The following KCNK13 variants were observed in gnomAD, a reference collection of about 807,000 sequenced individuals.
KCNK13 encodes potassium channel subfamily K member 13.
KCNK13 carries 12 observed loss-of-function variants against 23.4 expected under a neutral mutation model. The observed-to-expected ratio is 0.51, with a 90% CI of 0.33 to 0.83. KCNK13 has a LOEUF of 0.83. Among genes scored for constraint, KCNK13 ranks in the 40% least tolerant of loss-of-function variants. The probability of loss-of-function intolerance (pLI) is 0.02; values close to 1 mark genes in which losing one functional copy is unlikely to be tolerated. For missense variants in KCNK13, 463 were observed against 556.3 expected (o/e 0.83, Z 1.69); for synonymous variants, 231 against 229.5 (o/e 1.01, Z -0.06).
intron 1 of KCNK13, among the ~76,000 whole-genome samples, chr14:90,169,589 C>T (rs1314791365): frequency 6.6e-6 from 1 of 152,182 alleles, no homozygotes; most frequent in Non-Finnish European, 1.5e-5. Flanking sequence ...ATATGGTAAA[C>T]GTTTATCTCT....
At position 90,062,205 on chromosome 14, in the gene KCNK13, C is replaced by T. The variant is rs200035418; in HGVS notation, c.-1C>T. 4.3e-4 allele frequency: 616 copies of T among 1,423,010 alleles called. 3 individuals are homozygous for T. The African/African-American group carries it at 8.5e-3, about 20-fold the overall frequency. 88.1% of individuals were successfully genotyped at this position (1,423,010 alleles called of 1,614,324 possible). On this transcript the variant is annotated 5_prime_UTR_variant, in exon 1 of 2. Transcript: ENST00000282146. This position sits in a 1 kb window ranked among gnomAD's most constrained non-coding sequence, Gnocchi z 4.5. ...TGGGGGCTGCCCCCGGGGGCCCGGC[C>T]ATGGCTGGCCGGGGTTTCAGCTGGG...
intron 1 of KCNK13, among the ~76,000 whole-genome samples, chr14:90,148,718 A>G (rs1566646128): frequency 6.6e-6 from 1 of 152,246 alleles, no homozygotes; most frequent in South Asian, 2.1e-4. Context: ...TAAGGAACGC[A>G]TATTTTATCG....
chr14:90,070,960 T>A (rs1366845379), intron 1 of KCNK13, among the ~76,000 whole-genome samples: 2 of 152,150 alleles, frequency 1.3e-5, no homozygotes, highest in African/African-American at 2.4e-5. Context: ...TTTGTTCAAT[T>A]ATTTGTTTCC....
chr14:90,153,297 A>T (rs983440626), intron 1 of KCNK13, among the ~76,000 whole-genome samples: 2 of 152,178 alleles, frequency 1.3e-5, no homozygotes, highest in African/African-American at 4.8e-5. Flanking sequence ...AGTGAGAAAG[A>T]CTGTAGTTCT....
chr14:90,178,725 T>C (rs996316053), intron 1 of KCNK13, among the ~76,000 whole-genome samples: 59 of 152,308 alleles, frequency 3.9e-4, no homozygotes, highest in African/African-American at 1.4e-3. Context: ...TATTCCCAAA[T>C]TGCTTTCCAG....
intron 1 of KCNK13, among the ~76,000 whole-genome samples, chr14:90,140,538 AAG>A (rs1324311976): frequency 2.6e-5 from 4 of 152,124 alleles, no homozygotes; most frequent in Non-Finnish European, 5.9e-5. Flanking sequence ...CCTCTCTCTA[AAG>A]AGAGAAATCT....
intron 1 of KCNK13, among the ~76,000 whole-genome samples, chr14:90,148,614 G>A (rs1407356329): frequency 6.6e-6 from 1 of 152,220 alleles, no homozygotes; most frequent in Non-Finnish European, 1.5e-5. Context: ...GAGTGACAAG[G>A]TGCCTTTGGA....
chr14:90,104,853 G>A (rs1468331185), intron 1 of KCNK13, among the ~76,000 whole-genome samples: 2 of 145,310 alleles, frequency 1.4e-5, no homozygotes, highest in East Asian at 2.0e-4. Flanking sequence ...GCAGTGGCAC[G>A]ATCTTGGCTC....
At chr14:90,128,085 G>A (rs1375564718) in intron 1 of KCNK13, among the ~76,000 whole-genome samples, 1 of 152,120 alleles carries the variant, frequency 6.6e-6, no homozygotes, top group African/African-American at 2.4e-5. Flanking sequence ...TTTTAAATCA[G>A]TCTGCCCATG....
chr14:90,087,154 A>ATATTTT (rs1282261147), intron 1 of KCNK13, among the ~76,000 whole-genome samples: 1 of 107,648 alleles, frequency 9.3e-6, no homozygotes, highest in Non-Finnish European at 1.8e-5. Context: ...ATATATATAT[A>ATATTTT]TTTTTTTTTT....
intron 1 of KCNK13, among the ~76,000 whole-genome samples, chr14:90,149,463 C>T (rs570946860): frequency 1.3e-5 from 2 of 152,338 alleles, no homozygotes; most frequent in South Asian, 2.1e-4. Flanking sequence ...GCACATCTTA[C>T]ATGGTGGCAG....
At chr14:90,080,394 T>C (rs1045724139) in intron 1 of KCNK13, among the ~76,000 whole-genome samples, 21 of 152,066 alleles carry the variant, frequency 1.4e-4, no homozygotes, top group Non-Finnish European at 1.5e-4. Context: ...AGGCAGAGGT[T>C]GCAGTGAGCC....
chr14:90,086,188 T>G lies in KCNK13; in HGVS notation c.334+23649T>G, dbSNP rs577878443. On this transcript the variant is annotated intron_variant, in intron 1 of 1. Coordinates refer to ENST00000282146, the MANE Select transcript of KCNK13 (RefSeq NM_022054.4). Reference sequence around the variant, plus strand: ...TAGGTACTGCCAAGTTTTGGAGAATTTTTAAATTTAAATATTGTCAGCTAA... The same window carrying G: ...TAGGTACTGCCAAGTTTTGGAGAATGTTTAAATTTAAATATTGTCAGCTAA... 1.9e-4 allele frequency among the ~76,000 whole-genome samples: 29 copies of G among 152,254 alleles called. No individual in the cohort carries two copies. The East Asian group carries it at 5.4e-3, about 28-fold the overall frequency.
intron 1 of KCNK13, among the ~76,000 whole-genome samples, chr14:90,142,491 T>G (rs1434395972): frequency 1.3e-5 from 2 of 151,874 alleles, no homozygotes; most frequent in Non-Finnish European, 1.5e-5. Context: ...GCTAATTTTT[T>G]TTATTTTTAG....
intron 1 of KCNK13, among the ~76,000 whole-genome samples, chr14:90,074,082 A>G (rs1889108221): frequency 2.0e-5 from 3 of 151,468 alleles, no homozygotes; most frequent in Non-Finnish European, 2.9e-5. Flanking sequence ...TGATTCTTCC[A>G]CCTTAGCCTC....
At chr14:90,166,949 C>A (rs955874424) in intron 1 of KCNK13, among the ~76,000 whole-genome samples, 2 of 152,116 alleles carry the variant, frequency 1.3e-5, no homozygotes, top group Admixed American at 6.5e-5. Context: ...AAGGGACAAC[C>A]AGAATAAGTT....
At chr14:90,128,294 A>G (rs1046089761) in intron 1 of KCNK13, among the ~76,000 whole-genome samples, 1 of 152,164 alleles carries the variant, frequency 6.6e-6, no homozygotes, top group Non-Finnish European at 1.5e-5. Flanking sequence ...AGTCCCAGGG[A>G]GGATTCACTT....
chr14:90,120,164 G>C (rs1443832585), intron 1 of KCNK13, among the ~76,000 whole-genome samples: 1 of 152,186 alleles, frequency 6.6e-6, no homozygotes, highest in Non-Finnish European at 1.5e-5. Flanking sequence ...ACAACATGCA[G>C]TATTTGGTTT....
intron 1 of KCNK13, among the ~76,000 whole-genome samples, chr14:90,136,842 T>A (rs1333145656): frequency 6.6e-6 from 1 of 152,144 alleles, no homozygotes; most frequent in Non-Finnish European, 1.5e-5. Context: ...ACCCAGTATT[T>A]GAAATAGCAC....
Sources: gnomAD v4.1 joint callset for allele counts (sites outside exome capture counted in the v4.1 genomes callset) on GRCh38, gnomAD v4.1.1 for gene constraint, Gnocchi (gnomAD v3.1) non-coding constraint, MANE v1.5 for transcripts, NCBI Gene and HGNC (gene_info 2026-07-23, HGNC 2026-07-21) for gene names.